The following PAK5 variants were observed in gnomAD, a reference collection of about 807,000 sequenced individuals.
PAK5 encodes the protein serine/threonine-protein kinase PAK 5.
In PAK5, 16 loss-of-function variants were observed where a neutral mutation model predicts 65.9. The observed-to-expected ratio is 0.24, with a 90% CI of 0.16 to 0.37. The LOEUF (loss-of-function observed/expected upper bound fraction) is 0.37, where lower values mean the gene tolerates loss of function less well. Ranked by LOEUF, PAK5 falls within the 10% of genes least tolerant of loss-of-function variation. The probability of loss-of-function intolerance (pLI) is 1.00; values close to 1 mark genes in which losing one functional copy is unlikely to be tolerated. For synonymous variants in PAK5, 371 were observed against 354.9 expected (o/e 1.05, Z -0.51); for missense variants, 785 against 903.9 (o/e 0.87, Z 1.69).
At chr20:9,663,047 A>G (rs1157491554) in intron 2 of PAK5, among the ~76,000 whole-genome samples, 1 of 152,218 alleles carries the variant, frequency 6.6e-6, no homozygotes, top group Non-Finnish European at 1.5e-5. Context: ...TTTTTAAGGA[A>G]GACTGTCAGT....
chr20:9,746,258 C>T (rs766045325), intron 1 of PAK5, among the ~76,000 whole-genome samples: 3 of 152,148 alleles, frequency 2.0e-5, no homozygotes, highest in Non-Finnish European at 2.9e-5. Flanking sequence ...CCATTGAGGG[C>T]TGCCTCCATC....
chr20:9,627,975 TAG>T lies in PAK5; in HGVS notation c.204+16148_204+16149del, dbSNP rs559027420. ...TCTGAGAACTCACACTTGTACGGTT[TAG>T]AGAGTTACATATAAATTATTCCAAA... is the stretch of plus-strand genomic sequence containing the variant. On this transcript the variant is annotated intron_variant, in intron 3 of 9. Transcript: ENST00000353224. Among the ~76,000 whole-genome samples, 174 of 152,330 alleles carry T rather than the reference TAG, an allele frequency of 1.1e-3. 1 individual carries two copies. The highest frequency in any genetic ancestry group is 4.0e-3 in the African/African-American group (168 of 41,578).
intron 1 of PAK5, among the ~76,000 whole-genome samples, chr20:9,712,352 G>A (rs1189538779): frequency 6.6e-6 from 1 of 152,110 alleles, no homozygotes; most frequent in Non-Finnish European, 1.5e-5. Flanking sequence ...AAATATTATA[G>A]ATAGGGTAGA....
chr20:9,659,509 T>C (rs2047315308), intron 2 of PAK5, among the ~76,000 whole-genome samples: 1 of 152,178 alleles, frequency 6.6e-6, no homozygotes, highest in South Asian at 2.1e-4. Context: ...GAGCTGTACG[T>C]TTTCTTAAAG....
rs747471258 is a variant in PAK5, at chr20:9,566,310, G to T, written c.1065C>A (p.Ala355=). The change falls in exon 5 of 10, where the codon GCC becomes GCA. Residue 355 remains alanine, a synonymous_variant. Transcript: ENST00000353224. The stretch of plus-strand genomic sequence containing the variant: ...ATTTGCTTTGACTTTGAGGTAGTTT[G>T]GCAGGGCCCCTGGGGTAGGTGTCAG... ...SGSDTYPRGP[A]KLPQSQSKSG... The T allele has an allele frequency of 3.1e-6, 5 of 1,613,680 alleles. No homozygotes were observed. The East Asian group carries it at 8.9e-5, about 29-fold the overall frequency.
At chr20:9,677,817 T>C (rs1305245924) in intron 2 of PAK5, among the ~76,000 whole-genome samples, 2 of 152,242 alleles carry the variant, frequency 1.3e-5, no homozygotes, top group East Asian at 1.9e-4. Flanking sequence ...TAGGACAGTA[T>C]AGTGGCTTTC....
At chr20:9,653,300 C>T (rs1034050879) in intron 2 of PAK5, among the ~76,000 whole-genome samples, 2 of 152,196 alleles carry the variant, frequency 1.3e-5, no homozygotes, top group Non-Finnish European at 2.9e-5. Flanking sequence ...AAAGCCACTA[C>T]TTCACCATGG....
chr20:9,578,091 A>C (rs759776749), intron 4 of PAK5, among the ~76,000 whole-genome samples: 1 of 152,164 alleles, frequency 6.6e-6, no homozygotes, highest in Non-Finnish European at 1.5e-5. Context: ...TGAGTCCCCG[A>C]GATAACATAC....
intron 1 of PAK5, among the ~76,000 whole-genome samples, chr20:9,786,582 A>T (rs921990095): frequency 1.3e-5 from 2 of 152,126 alleles, no homozygotes; most frequent in African/African-American, 4.8e-5. Context: ...AATTTTGATA[A>T]AGTGAACACA....
chr20:9,722,360 C>CTGTAATCACGTGTGATTACACCTCG (rs774733931), intron 1 of PAK5, among the ~76,000 whole-genome samples: 30 of 152,210 alleles, frequency 2.0e-4, no homozygotes, highest in Middle Eastern at 3.4e-3. Context: ...TGGCTGACGC[C>CTGTAATCACGTGTGATTACACCTCG]TGTAATCACG....
intron 2 of PAK5, among the ~76,000 whole-genome samples, chr20:9,707,351 C>A (rs992201610): frequency 2.0e-5 from 3 of 152,100 alleles, no homozygotes; most frequent in African/African-American, 4.8e-5. Context: ...CCCAAGTGAT[C>A]CTTCTACCTC....
At chr20:9,674,242 C>A (rs887113604) in intron 2 of PAK5, among the ~76,000 whole-genome samples, 1 of 151,910 alleles carries the variant, frequency 6.6e-6, no homozygotes, top group Non-Finnish European at 1.5e-5. Context: ...ATCCACAGTT[C>A]TAACAATGAC....
intron 1 of PAK5, among the ~76,000 whole-genome samples, chr20:9,716,901 T>C (rs1036527772): frequency 3.3e-5 from 5 of 151,938 alleles, no homozygotes; most frequent in Admixed American, 6.6e-5. Flanking sequence ...CTGAGCAACA[T>C]GGCGAAACCC....
intron 1 of PAK5, among the ~76,000 whole-genome samples, chr20:9,800,822 A>G (rs77811030): frequency 2.1e-3 from 313 of 151,892 alleles, no homozygotes; most frequent in Middle Eastern, 0.017. Flanking sequence ...TCATCTACAA[A>G]TCTCCCCCAA....
At chr20:9,612,261 G>A (rs934934823) in intron 3 of PAK5, among the ~76,000 whole-genome samples, 2 of 152,138 alleles carry the variant, frequency 1.3e-5, no homozygotes, top group African/African-American at 2.4e-5. Flanking sequence ...CACACTTAGC[G>A]CATTTCCTCT....
intron 1 of PAK5, among the ~76,000 whole-genome samples, chr20:9,792,359 C>T (rs1277334820): frequency 1.3e-5 from 2 of 152,098 alleles, no homozygotes; most frequent in Admixed American, 1.3e-4. Context: ...AAATCTCTGG[C>T]CCTGGCCTCT....
intron 1 of PAK5, among the ~76,000 whole-genome samples, chr20:9,793,257 A>G (rs962359170): frequency 1.3e-5 from 2 of 152,132 alleles, no homozygotes; most frequent in African/African-American, 4.8e-5. Flanking sequence ...GACTTTATGA[A>G]TCTCACTGTT....
intron 3 of PAK5, among the ~76,000 whole-genome samples, chr20:9,622,255 T>A (rs987872267): frequency 2.6e-5 from 4 of 152,230 alleles, no homozygotes; most frequent in African/African-American, 7.2e-5. Context: ...TAACAGATGA[T>A]CTAGATCTTC....
intron 3 of PAK5, among the ~76,000 whole-genome samples, chr20:9,597,709 G>A (rs932261869): frequency 2.0e-5 from 3 of 152,154 alleles, no homozygotes; most frequent in East Asian, 1.9e-4. Context: ...TCAAGTCTAC[G>A]TTTCTAGAGG....
Sources: gnomAD v4.1 joint callset for allele counts (sites outside exome capture counted in the v4.1 genomes callset) on GRCh38, gnomAD v4.1.1 for gene constraint, MANE v1.5 for transcripts, NCBI Gene and HGNC (gene_info 2026-07-23, HGNC 2026-07-21) for gene names.